Variants in FBXL5 observed in about 807,000 individuals in gnomAD.
FBXL5 encodes the protein F-box and leucine rich repeat protein 5.
Under a neutral mutation model 78.3 loss-of-function variants are expected in FBXL5, and 26 were observed. The observed-to-expected ratio is 0.33, with a 90% CI of 0.24 to 0.46. FBXL5 has a LOEUF of 0.46. Among genes scored for constraint, FBXL5 ranks in the 20% least tolerant of loss-of-function variants. The pLI, the probability that FBXL5 is intolerant of heterozygous loss-of-function variation, is 1.00. For synonymous variants in FBXL5, 295 were observed against 282.5 expected, an observed-to-expected ratio of 1.04 and a Z score of -0.45; for missense variants, 710 against 829.2, an observed-to-expected ratio of 0.86 and a Z score of 1.77.
intron 5 of FBXL5, among the ~76,000 whole-genome samples, chr4:15,635,644 T>C (rs562026482): frequency 6.6e-6 from 1 of 151,594 alleles, no homozygotes; most frequent in African/African-American, 2.4e-5. Flanking sequence ...TCCCAGCTAC[T>C]TGGAAGGCTG....
intron 1 of FBXL5, among the ~76,000 whole-genome samples, chr4:15,667,909 C>T (rs1252567646): frequency 2.6e-5 from 4 of 151,984 alleles, no homozygotes; most frequent in East Asian, 1.9e-4. Flanking sequence ...GGCGTGGTGG[C>T]GGGTGCCTGT....
intron 9 of FBXL5, among the ~76,000 whole-genome samples, chr4:15,616,817 T>C (rs886529828): frequency 6.6e-6 from 1 of 152,230 alleles, no homozygotes; most frequent in African/African-American, 2.4e-5. Flanking sequence ...TCTCCCGTTA[T>C]CTAGACCTTC....
chr4:15,662,079 A>G (rs1202002578), upstream of FBXL5, among the ~76,000 whole-genome samples: 1 of 151,752 alleles, frequency 6.6e-6, no homozygotes. Flanking sequence ...TAATCTCAGA[A>G]GAGACATCCC....
upstream of FBXL5, among the ~76,000 whole-genome samples, chr4:15,656,995 C>G (rs1717012120): frequency 6.7e-6 from 1 of 150,004 alleles, no homozygotes; most frequent in African/African-American, 2.4e-5. Flanking sequence ...GGCTTATTCA[C>G]AGTCTGTCTT....
At chr4:15,631,152 G>A (rs1366641926) in intron 5 of FBXL5, among the ~76,000 whole-genome samples, 4 of 152,174 alleles carry the variant, frequency 2.6e-5, no homozygotes, top group African/African-American at 9.6e-5. Context: ...CCAACTATGA[G>A]TGAGAACATG....
chr4:15,674,219 T>TC (rs1717881411), intron 1 of FBXL5, among the ~76,000 whole-genome samples: 1 of 151,858 alleles, frequency 6.6e-6, no homozygotes, highest in African/African-American at 2.4e-5. Context: ...TTTTTTTTTT[T>TC]TAATTCTCTA....
chr4:15,671,474 C>T (rs894270891), intron 1 of FBXL5, among the ~76,000 whole-genome samples: 2 of 150,256 alleles, frequency 1.3e-5, no homozygotes, highest in Non-Finnish European at 1.5e-5. Flanking sequence ...GGTCTCTCCA[C>T]ATTGCCCAGG....
chr4:15,632,939 T>G (rs903511759), intron 5 of FBXL5, among the ~76,000 whole-genome samples: 1 of 152,214 alleles, frequency 6.6e-6, no homozygotes, highest in African/African-American at 2.4e-5. Context: ...CTTCCAACAC[T>G]AAGTTGAATA....
Position 15,607,694 on chromosome 4 carries a change from T to A in FBXL5, c.2000-1895A>T, listed in dbSNP as rs115719249. Among the ~76,000 whole-genome samples the A allele has an allele frequency of 8.8e-3, 1,339 of 152,222 alleles. 11 individuals are homozygous for A. The highest frequency in any genetic ancestry group is 0.027 in the Middle Eastern group (8 of 294). On this transcript the variant is annotated intron_variant, in intron 10 of 10. Coordinates refer to ENST00000341285, the MANE Select transcript of FBXL5 (RefSeq NM_012161.4). ...ACCCCTTACACTGCCCACTGTTTTG[T>A]CTACCAATCACCTAGTGCCTCTCCT...
chr4:15,634,473 C>T (rs1249490968), intron 5 of FBXL5, among the ~76,000 whole-genome samples: 2 of 152,144 alleles, frequency 1.3e-5, no homozygotes, highest in South Asian at 2.1e-4. Flanking sequence ...TCAAGCAATT[C>T]TCCCTGCCTC....
intron 1 of FBXL5, among the ~76,000 whole-genome samples, chr4:15,675,784 T>C (rs952852959): frequency 6.6e-6 from 1 of 151,996 alleles, no homozygotes; most frequent in African/African-American, 2.4e-5. Flanking sequence ...GGTTTCACCA[T>C]GTTAACCAAG....
In FBXL5 at chr4:15,630,270, C is replaced by T. The variant is rs1011514116; in HGVS notation, c.892+396G>A. On this transcript the variant is annotated intron_variant, in intron 6 of 10. Transcript: ENST00000341285. ...GGCAAGTATTAAGACTATCTACAAA[C>T]GAGTAAGTCGACTCAACAGTTTCAT... 5.3e-5 allele frequency among the ~76,000 whole-genome samples: 8 copies of T among 152,110 alleles called. No homozygotes were observed. The East Asian group carries it at 1.5e-3, about 29-fold the overall frequency.
chr4:15,615,056 G>A (rs531665018), intron 9 of FBXL5, among the ~76,000 whole-genome samples: 112 of 152,284 alleles, frequency 7.4e-4, no homozygotes, highest in Non-Finnish European at 1.2e-3. Flanking sequence ...CTTAGCACCC[G>A]GGCCAGTGGC....
chr4:15,641,754 C>T (rs1458674946), intron 2 of FBXL5: 1 of 362,672 alleles, frequency 2.8e-6, no homozygotes, highest in African/African-American at 2.1e-5. Context: ...CTGCCAGGCA[C>T]GGTGGCTCAT....
At chr4:15,665,343 T>G (rs1029544026) in intron 1 of FBXL5, among the ~76,000 whole-genome samples, 2 of 152,124 alleles carry the variant, frequency 1.3e-5, no homozygotes, top group Admixed American at 1.3e-4. Context: ...CAAGGCAAAC[T>G]TGAGGTACAG....
Position 15,627,965 on chromosome 4 carries a change from T to A in FBXL5, c.961A>T (p.Ile321Phe). 1 of 1,613,806 alleles carries A rather than the reference T, an allele frequency of 6.2e-7. No homozygotes were observed. ...QMEKRLLHGL[I>F]HNVLPYVGTS... is the part of the protein sequence containing the mutation. The stretch of plus-strand genomic sequence containing the variant: ...CCAACATATGGTAGAACGTTATGAA[T>A]TAAGCCATGGAGTAAACGTTTTTCC... Residue 321 changes from isoleucine (I) to phenylalanine (F), a missense_variant, in exon 7 of 11, where the codon ATT becomes TTT. Ile to Phe is a conservative substitution (Grantham distance 21). Coordinates refer to ENST00000341285, the MANE Select transcript of FBXL5 (RefSeq NM_012161.4).
At chr4:15,676,677 T>C (rs2148826176) in intron 1 of FBXL5, among the ~76,000 whole-genome samples, 1 of 151,614 alleles carries the variant, frequency 6.6e-6, no homozygotes, top group Middle Eastern at 3.4e-3. Context: ...TGTGTGTATA[T>C]GTGAATGAGT....
At chr4:15,629,630 C>T (rs1234728354) in intron 6 of FBXL5, among the ~76,000 whole-genome samples, 2 of 152,042 alleles carry the variant, frequency 1.3e-5, no homozygotes, top group African/African-American at 4.8e-5. Context: ...TCCTTCATAC[C>T]TAAAACAATG....
chr4:15,669,052 G>A (rs1490473782), intron 1 of FBXL5, among the ~76,000 whole-genome samples: 1 of 152,064 alleles, frequency 6.6e-6, no homozygotes, highest in Non-Finnish European at 1.5e-5. Flanking sequence ...GTTAGTACAG[G>A]ATACACCATG....
Sources: allele counts gnomAD v4.1 joint callset (sites outside exome capture counted in the v4.1 genomes callset), GRCh38; gene constraint gnomAD v4.1.1; transcripts MANE v1.5; gene names NCBI Gene and HGNC (gene_info 2026-07-23, HGNC 2026-07-21).